Variants in DNAI1 observed in about 807,000 individuals in gnomAD.
The protein encoded by DNAI1 is dynein axonemal intermediate chain 1.
In DNAI1, 67 loss-of-function variants were observed where a neutral mutation model predicts 92.0. The ratio of observed to expected loss-of-function variants is 0.73; its 90% CI spans 0.60 to 0.89. The LOEUF is 0.89. Ranked by LOEUF, DNAI1 falls within the 40% of genes least tolerant of loss-of-function variation. The pLI, the probability that DNAI1 is intolerant of heterozygous loss-of-function variation, is 0.00. For missense variants in DNAI1, 839 were observed against 866.6 expected, an observed-to-expected ratio of 0.97 and a Z score of 0.40; for synonymous variants, 323 against 319.6, an observed-to-expected ratio of 1.01 and a Z score of -0.11.
Position 34,490,128 on chromosome 9 carries a change from C to T in DNAI1, c.501+4C>T, listed in dbSNP as rs1220581549. On this transcript the variant is annotated splice_donor_region_variant and intron_variant, in intron 6 of 19. Transcript: ENST00000242317. Reference sequence around the variant, plus strand: ...AACAGATGTGCCTGCAGCTGGGGTACAGTATAATATCGCTCTGTGTCCCTC... The same window carrying T: ...AACAGATGTGCCTGCAGCTGGGGTATAGTATAATATCGCTCTGTGTCCCTC... The T allele has an allele frequency of 1.2e-6, 2 of 1,613,772 alleles. No individual in the cohort carries two copies. Among genetic ancestry groups the T allele is most frequent in the South Asian group, 2.2e-5 (2 of 91,042 alleles).
At chr9:34,489,223 A>G in intron 4 of DNAI1, 100 bp from the exon 5 acceptor site, 2 of 1,442,298 alleles carry the variant, frequency 1.4e-6, no homozygotes, top group South Asian at 2.3e-5. Context: ...TTCCTTTAAC[A>G]AAGATGGACT....
intron 15 of DNAI1, 105 bp from the exon 16 acceptor site, chr9:34,513,007 C>T: frequency 3.2e-6 from 3 of 924,902 alleles, no homozygotes; most frequent in African/African-American, 1.6e-5. Flanking sequence ...TGCGCTGAGT[C>T]CTGCGCTGAG....
At chr9:34,499,829 C>T (rs901212470) in intron 10 of DNAI1, among the ~76,000 whole-genome samples, 1 of 152,124 alleles carries the variant, frequency 6.6e-6, no homozygotes, top group Non-Finnish European at 1.5e-5. Context: ...TGGATCTCCT[C>T]TTGGTTTAAT....
At chr9:34,494,188 T>C (rs1247431330) in intron 9 of DNAI1, among the ~76,000 whole-genome samples, 1 of 152,058 alleles carries the variant, frequency 6.6e-6, no homozygotes, top group Non-Finnish European at 1.5e-5. Flanking sequence ...GTGGTTCTGC[T>C]CCACTCCAGA....
intron 2 of DNAI1, among the ~76,000 whole-genome samples, chr9:34,483,813 A>T (rs1489534259): frequency 6.6e-6 from 1 of 152,206 alleles, no homozygotes; most frequent in African/African-American, 2.4e-5. Flanking sequence ...ATTGCTAATA[A>T]ATATATTTTT....
intron 13 of DNAI1, among the ~76,000 whole-genome samples, chr9:34,507,744 G>A (rs1480166207): frequency 6.6e-6 from 1 of 152,220 alleles, no homozygotes; most frequent in African/African-American, 2.4e-5. Flanking sequence ...GGAAGGGGTG[G>A]CTGCTGCTGG....
chr9:34,486,357 A>G (rs1461888554), intron 4 of DNAI1, among the ~76,000 whole-genome samples: 1 of 152,194 alleles, frequency 6.6e-6, no homozygotes, highest in Admixed American at 6.5e-5. Flanking sequence ...AAATTAGATA[A>G]ACAAATTACA....
chr9:34,516,896 C>T (rs547250797), intron 18 of DNAI1, among the ~76,000 whole-genome samples: 3 of 151,804 alleles, frequency 2.0e-5, no homozygotes, highest in Non-Finnish European at 2.9e-5. Flanking sequence ...TGCACCACCA[C>T]GCCCATCTAA....
At chr9:34,472,549 A>T (rs1243309789) in intron 1 of DNAI1, among the ~76,000 whole-genome samples, 1 of 152,194 alleles carries the variant, frequency 6.6e-6, no homozygotes. Flanking sequence ...AAAATTTATC[A>T]TGTTGATTTT....
At chr9:34,480,635 A>G (rs1264135101) in intron 1 of DNAI1, among the ~76,000 whole-genome samples, 2 of 152,108 alleles carry the variant, frequency 1.3e-5, no homozygotes, top group Non-Finnish European at 2.9e-5. Flanking sequence ...TTGTCCTTTG[A>G]CATCCAGTTA....
intron 4 of DNAI1, among the ~76,000 whole-genome samples, chr9:34,487,170 C>G (rs566005949): frequency 5.3e-5 from 8 of 151,948 alleles, no homozygotes; most frequent in South Asian, 2.1e-4. Context: ...GAGGCTGAAA[C>G]AAATCCAGAA....
chr9:34,491,302 G>T (rs966087697), intron 7 of DNAI1, 193 bp from the exon 8 acceptor site: 10 of 659,256 alleles, frequency 1.5e-5, no homozygotes, highest in Non-Finnish European at 2.5e-5. Context: ...TTCTGAAGGA[G>T]GCCAGAATGG....
At chr9:34,501,795 C>T (rs375827314) in intron 12 of DNAI1, among the ~76,000 whole-genome samples, 5 of 152,156 alleles carry the variant, frequency 3.3e-5, no homozygotes, top group Admixed American at 6.5e-5. Context: ...GGATGGGATC[C>T]CCTGAACCTT....
intron 1 of DNAI1, among the ~76,000 whole-genome samples, chr9:34,481,078 T>G (rs939239035): frequency 1.3e-5 from 2 of 151,662 alleles, no homozygotes; most frequent in African/African-American, 4.8e-5. Context: ...TCATCTCTAC[T>G]AAAAATACAA....
Position 34,515,032 on chromosome 9 carries a change from G to A in DNAI1, c.1818+293G>A, listed in dbSNP as rs1825147316. On this transcript the variant is annotated intron_variant, in intron 18 of 19. Coordinates refer to ENST00000242317, the MANE Select transcript of DNAI1 (RefSeq NM_012144.4). ...CTCTGCTGTATGGTGGAGAGCTAGA[G>A]GGTGGCAGGGCCCGGCTCCATCTAA... is the stretch of plus-strand genomic sequence containing the variant. Among the ~76,000 whole-genome samples, 5 of 152,312 alleles carry A rather than the reference G, an allele frequency of 3.3e-5. No homozygotes were observed. The South Asian group carries it at 1.0e-3, about 32-fold the overall frequency.
intron 19 of DNAI1, among the ~76,000 whole-genome samples, chr9:34,517,945 A>G (rs1164623550): frequency 6.6e-6 from 1 of 152,224 alleles, no homozygotes; most frequent in Non-Finnish European, 1.5e-5. Flanking sequence ...GTCAGCAGCT[A>G]TGCAGCCCTC....
chr9:34,491,542 C>G lies in DNAI1; in HGVS notation c.669C>G (p.Ala223=). ...TEPPPRTNFS[A]TANQWEIYDA... Reference sequence around the variant, plus strand: ...CTCCTCCCAGGACAAACTTTTCAGCCACAGCCAATCAGGTAAGACCCTGGG... The same window carrying G: ...CTCCTCCCAGGACAAACTTTTCAGCGACAGCCAATCAGGTAAGACCCTGGG... Residue 223 remains alanine, a synonymous_variant, in exon 8 of 20, where the codon GCC becomes GCG. Coordinates refer to ENST00000242317, the MANE Select transcript of DNAI1 (RefSeq NM_012144.4). The G allele has an allele frequency of 4.3e-6, 7 of 1,614,180 alleles. No homozygotes were observed. Among genetic ancestry groups the G allele is most frequent in the Non-Finnish European group, 5.9e-6 (7 of 1,180,032 alleles).
intron 1 of DNAI1, among the ~76,000 whole-genome samples, chr9:34,462,213 T>A (rs1039479180): frequency 5.9e-5 from 9 of 152,344 alleles, no homozygotes; most frequent in African/African-American, 1.7e-4. Flanking sequence ...CATTTCTCTA[T>A]GAAAATTCCA....
At chr9:34,470,950 TAAATAATATCTTCAA>T (rs1017840150) in intron 1 of DNAI1, among the ~76,000 whole-genome samples, 4 of 152,172 alleles carry the variant, frequency 2.6e-5, no homozygotes, top group Non-Finnish European at 5.9e-5. Flanking sequence ...AAAATAGAAG[TAAATAATATCTTCAA>T]AATCTCTGGG....
Sources: allele counts gnomAD v4.1 joint callset (sites outside exome capture counted in the v4.1 genomes callset), GRCh38; gene constraint gnomAD v4.1.1; transcripts MANE v1.5; gene names NCBI Gene and HGNC (gene_info 2026-07-23, HGNC 2026-07-21).